C2orf15: variants seen among roughly 807,000 people sequenced by gnomAD.
C2orf15 encodes uncharacterized protein C2orf15.
In C2orf15, 3 loss-of-function variants were observed where a neutral mutation model predicts 4.4. That is an observed-to-expected ratio of 0.67 (90% CI 0.31 to 1.74). The LOEUF (loss-of-function observed/expected upper bound fraction) is 1.74. Among genes scored for constraint, C2orf15 ranks in the 40% most tolerant of loss-of-function variants. The pLI, the probability that C2orf15 is intolerant of heterozygous loss-of-function variation, is 0.09. For missense variants in C2orf15, 90 were observed against 103.3 expected, an observed-to-expected ratio of 0.87 and a Z score of 0.56; for synonymous variants, 37 against 36.8, an observed-to-expected ratio of 1.00 and a Z score of -0.02.
chr2:99,149,596 C>T (rs957259164), intron 3 of C2orf15, among the ~76,000 whole-genome samples: 2 of 151,428 alleles, frequency 1.3e-5, no homozygotes, highest in South Asian at 2.1e-4. Context: ...GTGCCCGCCA[C>T]CACGCCCGGC....
intron 3 of C2orf15, among the ~76,000 whole-genome samples, chr2:99,149,706 T>A (rs2093670712): frequency 6.6e-6 from 1 of 151,130 alleles, no homozygotes; most frequent in Non-Finnish European, 1.5e-5. Flanking sequence ...CCTCCCAAAG[T>A]GCTGGGATTA....
intron 3 of C2orf15, 111 bp from the exon 4 acceptor site, chr2:99,150,372 A>G (rs1402787983): frequency 6.6e-6 from 4 of 607,856 alleles, no homozygotes; most frequent in Admixed American, 3.5e-5. Flanking sequence ...GTAGGAGGCA[A>G]TTTTACTTTA....
At chr2:99,143,427 G>A (rs1326530622) in intron 2 of C2orf15, among the ~76,000 whole-genome samples, 1 of 150,922 alleles carries the variant, frequency 6.6e-6, no homozygotes, top group Non-Finnish European at 1.5e-5. Flanking sequence ...CCAAAGTGCT[G>A]GGATTACAGG....
chr2:99,144,649 CA>C (rs70940140), intron 2 of C2orf15, among the ~76,000 whole-genome samples: 1,534 of 52,250 alleles, frequency 0.029, 41 homozygotes, highest in African/African-American at 0.098. Flanking sequence ...AACTCTGTCT[CA>C]AAAAAAAAAA....
intron 2 of C2orf15, 73 bp from the exon 3 acceptor site, chr2:99,147,329 A>C: frequency 4.7e-6 from 4 of 848,472 alleles, no homozygotes; most frequent in Non-Finnish European, 7.7e-6. Context: ...TCTAGTAAAG[A>C]AAGCCACTTT....
chr2:99,146,907 G>T (rs764338919), intron 2 of C2orf15: 1 of 152,370 alleles, frequency 6.6e-6, no homozygotes, highest in Non-Finnish European at 1.5e-5. Flanking sequence ...GATTACAGGC[G>T]TGAGCCACCG....
intron 3 of C2orf15, among the ~76,000 whole-genome samples, chr2:99,149,928 G>A (rs1318541311): frequency 1.3e-5 from 2 of 151,716 alleles, no homozygotes; most frequent in Non-Finnish European, 2.9e-5. Flanking sequence ...GAATAGCTGG[G>A]ATTTCAGGTG....
chr2:99,148,899 C>A (rs2093659516), intron 3 of C2orf15, among the ~76,000 whole-genome samples: 1 of 151,742 alleles, frequency 6.6e-6, no homozygotes, highest in Non-Finnish European at 1.5e-5. Context: ...TAAATGTACT[C>A]AATGTCATTG....
At chr2:99,147,162 T>G (rs1299385009) in intron 2 of C2orf15, 2 of 301,898 alleles carry the variant, frequency 6.6e-6, no homozygotes, top group African/African-American at 2.2e-5. Flanking sequence ...TATCTTTTTG[T>G]TTTTTTTAAT....
chr2:99,143,305 CT>C lies in C2orf15; in HGVS notation c.-169+913del, dbSNP rs11392712. On this transcript the variant is annotated intron_variant, in intron 2 of 3. Coordinates refer to ENST00000650052, the MANE Select transcript of C2orf15 (RefSeq NM_144706.4). ...TACAGGCGCCCACTACTACGCCCAG[CT>C]TTTTTTTTGTTTGTTTTTTGTTTTT... Among the ~76,000 whole-genome samples the C allele has an allele frequency of 5.8e-3, 861 of 149,506 alleles. 10 individuals carry two copies. The highest frequency in any genetic ancestry group is 0.02 in the African/African-American group (822 of 40,760).
chr2:99,144,401 C>T (rs544539482), intron 2 of C2orf15, among the ~76,000 whole-genome samples: 3 of 150,864 alleles, frequency 2.0e-5, no homozygotes, highest in South Asian at 2.1e-4. Flanking sequence ...TCATAGGGCT[C>T]ACTTTATTTC....
chr2:99,147,678 A>G (rs933087054), intron 3 of C2orf15, among the ~76,000 whole-genome samples, 185 bp downstream of exon 3: 3 of 152,208 alleles, frequency 2.0e-5, no homozygotes, highest in Non-Finnish European at 4.4e-5. Flanking sequence ...GTATTTTGAA[A>G]AAGTTTTAAA....
Position 99,150,766 on chromosome 2 carries a change from G to A in C2orf15, c.208G>A (p.Gly70Arg). The change falls in exon 4 of 4, where the codon GGG (glycine) becomes AGG (arginine). Residue 70 changes from glycine (G) to arginine (R), a missense_variant. Gly to Arg is a moderately radical substitution (Grantham distance 125). Transcript: ENST00000650052. The stretch of plus-strand genomic sequence containing the variant: ...AGGGACTGGCACAGGATCTCTTTCT[G>A]GGAAAGCCTTGGGTTCAGTGGTATA... ...IEGTGTGSLS[G>R]KALGSVVYVK... 6.2e-7 allele frequency: 1 copy of A among 1,613,660 alleles called. No individual in the cohort carries two copies. Among genetic ancestry groups the A allele is most frequent in the Non-Finnish European group, 8.5e-7 (1 of 1,179,856 alleles).
At chr2:99,147,573 A>T (rs2093645347) in intron 3 of C2orf15, 80 bp downstream of exon 3, 1 of 1,180,784 alleles carries the variant, frequency 8.5e-7, no homozygotes, top group African/African-American at 1.5e-5. Context: ...TTTAATGTGC[A>T]AATTGATAAT....
intron 3 of C2orf15, among the ~76,000 whole-genome samples, chr2:99,149,734 G>A (rs1367635104): frequency 5.4e-5 from 8 of 147,278 alleles, no homozygotes; most frequent in African/African-American, 1.8e-4. Flanking sequence ...GAGCCACTGC[G>A]CTCGGCCGAT....
chr2:99,150,237 G>GA (rs2093679338), intron 3 of C2orf15, among the ~76,000 whole-genome samples: 1 of 152,178 alleles, frequency 6.6e-6, no homozygotes, highest in South Asian at 2.1e-4. Flanking sequence ...AGGACTAAGA[G>GA]AAGCTCTACT....
intron 3 of C2orf15, among the ~76,000 whole-genome samples, chr2:99,148,539 C>G (rs2093655330): frequency 6.6e-6 from 1 of 152,172 alleles, no homozygotes; most frequent in Non-Finnish European, 1.5e-5. Context: ...CACTGATATT[C>G]AGTCACAAAT....
At position 99,150,673 on chromosome 2, in the gene C2orf15, C is replaced by G. The variant is rs746839445; in HGVS notation, c.115C>G (p.Gln39Glu). Reference protein sequence around the residue: ...TEKSRLEPATQLFQNTKKIRL... With the variant: ...TEKSRLEPATELFQNTKKIRL... ...AAAAAGCAGGTTGGAACCAGCGACT[C>G]AGTTATTTCAAAACACCAAGAAAAT... The change falls in exon 4 of 4, where the codon CAG (glutamine) becomes GAG (glutamate). Residue 39 changes from glutamine (Q) to glutamate (E), a missense_variant. Gln to Glu is a conservative substitution (Grantham distance 29, BLOSUM62 2). Coordinates refer to ENST00000650052, the MANE Select transcript of C2orf15 (RefSeq NM_144706.4). 2 of 1,613,996 alleles carry G rather than the reference C, an allele frequency of 1.2e-6. No homozygotes were observed. Among genetic ancestry groups the G allele is most frequent in the Non-Finnish European group, 1.7e-6 (2 of 1,179,980 alleles).
chr2:99,142,601 A>G (rs543196560), intron 2 of C2orf15, among the ~76,000 whole-genome samples, 200 bp downstream of exon 2: 1 of 151,936 alleles, frequency 6.6e-6, no homozygotes, highest in South Asian at 2.1e-4. Flanking sequence ...ATTAGATACC[A>G]AAAAAAATTA....
Sources: gnomAD v4.1 joint callset for allele counts (sites outside exome capture counted in the v4.1 genomes callset) on GRCh38, gnomAD v4.1.1 for gene constraint, MANE v1.5 for transcripts, NCBI Gene and HGNC (gene_info 2026-07-23, HGNC 2026-07-21) for gene names.